ZNF280D: variants seen among roughly 807,000 people sequenced by gnomAD.
ZNF280D encodes the protein zinc finger protein 280D.
ZNF280D carries 39 observed loss-of-function variants against 94.7 expected under a neutral mutation model. The observed-to-expected ratio is 0.41, with a 90% confidence interval of 0.32 to 0.54. The LOEUF (loss-of-function observed/expected upper bound fraction) is 0.54. Among genes scored for constraint, ZNF280D ranks in the 20% least tolerant of loss-of-function variants. The pLI is 0.22. For missense variants in ZNF280D, 1,090 were observed against 1,149.3 expected, an observed-to-expected ratio of 0.95 and a Z score of 0.75; for synonymous variants, 398 against 377.6, an observed-to-expected ratio of 1.05 and a Z score of -0.63.
intron 1 of ZNF280D, among the ~76,000 whole-genome samples, chr15:56,731,995 G>A (rs187837972): frequency 9.2e-5 from 14 of 152,160 alleles, no homozygotes; most frequent in African/African-American, 2.9e-4. Context: ...CATAACAACC[G>A]CATTTCAAAA....
At chr15:56,702,528 G>A (rs1290349529) in intron 4 of ZNF280D, among the ~76,000 whole-genome samples, 17 of 152,130 alleles carry the variant, frequency 1.1e-4, no homozygotes, top group South Asian at 2.1e-4. Flanking sequence ...TGTTCTACCC[G>A]AATACCATGA....
chr15:56,709,203 T>C (rs2057604490), intron 1 of ZNF280D, among the ~76,000 whole-genome samples: 2 of 152,160 alleles, frequency 1.3e-5, no homozygotes, highest in Admixed American at 6.5e-5. Flanking sequence ...GCAAAGGATA[T>C]GAACAGACAC....
chr15:56,669,563 T>TAAA, intron 13 of ZNF280D, among the ~76,000 whole-genome samples: 1 of 151,576 alleles, frequency 6.6e-6, no homozygotes, highest in South Asian at 2.1e-4. Context: ...GGAACTACAT[T>TAAA]TTTAATACTG....
At chr15:56,716,379 T>C (rs1302416405) in intron 1 of ZNF280D, among the ~76,000 whole-genome samples, 2 of 150,800 alleles carry the variant, frequency 1.3e-5, no homozygotes, top group East Asian at 1.9e-4. Flanking sequence ...GAAGAAAGGG[T>C]TGGAGTTAAC....
Position 56,707,088 on chromosome 15 carries a change from G to C in ZNF280D, c.22C>G (p.Pro8Ala), listed in dbSNP as rs1165271699. ...TTGTGGCAGCAACACTTACTTTTTGGTTGAAAAGGGTTGTCGCCCATCAAG... is the reference window on the plus strand; with the variant it reads ...TTGTGGCAGCAACACTTACTTTTTGCTTGAAAAGGGTTGTCGCCCATCAAG... MGDNPFQPKSNSKMAELF... is the reference protein window; with the variant it reads MGDNPFQAKSNSKMAELF... The change falls in exon 3 of 22, where the codon CCA becomes GCA. Residue 8 changes from proline to alanine, a missense_variant. By Grantham distance (27) the Pro-to-Ala change is conservative (BLOSUM62 -1). Transcript: ENST00000267807. The C allele has an allele frequency of 2.5e-6, 4 of 1,613,714 alleles. No individual in the cohort carries two copies. Among genetic ancestry groups the C allele is most frequent in the Non-Finnish European group, 3.4e-6 (4 of 1,179,876 alleles).
chr15:56,692,976 C>CA, intron 7 of ZNF280D, 122 bp downstream of exon 7: 1 of 563,538 alleles, frequency 1.8e-6, no homozygotes, highest in East Asian at 3.6e-5. Context: ...AGTGACGTTC[C>CA]ACCTTACAAT....
chr15:56,673,809 C>T (rs1169977664), intron 13 of ZNF280D, among the ~76,000 whole-genome samples: 1 of 152,034 alleles, frequency 6.6e-6, no homozygotes, highest in Non-Finnish European at 1.5e-5. Context: ...ATAATGTCAC[C>T]TCTCCGAGGT....
At position 56,657,730 on chromosome 15, in the gene ZNF280D, G is replaced by A. The variant is rs957572714; in HGVS notation, c.2057+694C>T. Among the ~76,000 whole-genome samples the A allele has an allele frequency of 3.3e-5, 5 of 152,204 alleles. No individual in the cohort carries two copies. In the East Asian group the frequency reaches 5.8e-4, roughly 18 times the overall value. On this transcript the variant is annotated intron_variant, in intron 17 of 21. Coordinates refer to ENST00000267807, the MANE Select transcript of ZNF280D (RefSeq NM_017661.4). ...CAAAAAGAGATAATAAAAAGTGTTG[G>A]CAAATATGTGGAGAAATTGGAACCC...
At chr15:56,681,854 G>A (rs1476479342) in intron 10 of ZNF280D, among the ~76,000 whole-genome samples, 2 of 152,030 alleles carry the variant, frequency 1.3e-5, no homozygotes, top group African/African-American at 4.8e-5. Context: ...TGAAAAATTT[G>A]AGCATTACAT....
intron 6 of ZNF280D, chr15:56,698,497 A>T (rs1566999058): frequency 6.6e-6 from 1 of 152,218 alleles, no homozygotes. Flanking sequence ...TTTGCCAAAC[A>T]ATCAAGATTG....
chr15:56,701,087 A>C lies in ZNF280D; in HGVS notation c.242-15T>G. ...AGCAGTAATACCTGTATTTTAAAGT[A>C]ACACAATATATGGAAATTATTTGTA... On this transcript the variant is annotated splice_polypyrimidine_tract_variant and intron_variant, in intron 5 of 21. Transcript: ENST00000267807. 1 of 1,613,218 alleles carries C rather than the reference A, an allele frequency of 6.2e-7. No homozygotes were observed. Among genetic ancestry groups the C allele is most frequent in the Non-Finnish European group, 8.5e-7 (1 of 1,179,498 alleles).
intron 19 of ZNF280D, chr15:56,652,604 C>A (rs1307380379): frequency 2.0e-6 from 2 of 979,030 alleles, no homozygotes; most frequent in African/African-American, 3.5e-5. Context: ...GAAATACATG[C>A]ATTACTGGTC....
chr15:56,726,277 G>T (rs1282935100), intron 1 of ZNF280D, among the ~76,000 whole-genome samples: 1 of 151,960 alleles, frequency 6.6e-6, no homozygotes, highest in African/African-American at 2.4e-5. Flanking sequence ...TTGGAGAGGG[G>T]TGGAACTCTA....
intron 1 of ZNF280D, chr15:56,730,375 A>T (rs1233284822): frequency 6.6e-6 from 1 of 152,254 alleles, no homozygotes; most frequent in Non-Finnish European, 1.5e-5. Flanking sequence ...TTTTGGAATA[A>T]CAAAGTATGT....
At chr15:56,653,745 C>G in intron 19 of ZNF280D, 1 of 1,301,352 alleles carries the variant, frequency 7.7e-7, no homozygotes, top group Non-Finnish European at 9.7e-7. Flanking sequence ...ATCTATTATT[C>G]TGAAGGCAAG....
At chr15:56,731,442 G>A (rs945128463) in intron 1 of ZNF280D, among the ~76,000 whole-genome samples, 2 of 143,230 alleles carry the variant, frequency 1.4e-5, no homozygotes, top group African/African-American at 2.5e-5. Flanking sequence ...AGGAGGTCAA[G>A]GATGCAGCGA....
chr15:56,654,394 T>A lies in ZNF280D; in HGVS notation c.2167A>T (p.Met723Leu), dbSNP rs1323548358. Residue 723 changes from methionine (M) to leucine (L), a missense_variant, in exon 18 of 22, where the codon ATG (methionine) becomes TTG (leucine). Physicochemically the swap from Met to Leu is conservative, Grantham distance 15. Coordinates refer to ENST00000267807, the MANE Select transcript of ZNF280D (RefSeq NM_017661.4). ...AGTTACATATACGTACCTTTCTGCA[T>A]TACAACTTGGCAAGTATGAGTTTTA... is the stretch of plus-strand genomic sequence containing the variant. ...QHKTHTCQVV[M>L]QKVSVCIPTS... 1.9e-6 allele frequency: 3 copies of A among 1,604,590 alleles called. No homozygotes were observed. The African/African-American group carries it at 4.0e-5, about 22-fold the overall frequency.
chr15:56,727,433 T>C (rs890664126), intron 1 of ZNF280D, among the ~76,000 whole-genome samples: 1 of 152,008 alleles, frequency 6.6e-6, no homozygotes, highest in African/African-American at 2.4e-5. Flanking sequence ...CATTCCAGCC[T>C]GGACAACAAG....
intron 1 of ZNF280D, among the ~76,000 whole-genome samples, chr15:56,719,886 T>TAAAAAA (rs35398429): frequency 2.6e-4 from 26 of 101,670 alleles, no homozygotes; most frequent in East Asian, 6.1e-4. Context: ...ACTTTATTGC[T>TAAAAAA]AAAAAAAAAA....
Sources: allele counts gnomAD v4.1 joint callset (sites outside exome capture counted in the v4.1 genomes callset), GRCh38; gene constraint gnomAD v4.1.1; transcripts MANE v1.5; gene names NCBI Gene and HGNC (gene_info 2026-07-23, HGNC 2026-07-21).